The following TMC3 variants were observed in gnomAD, a reference collection of about 807,000 sequenced individuals.
The protein encoded by TMC3 is transmembrane channel-like protein 3.
A neutral mutation model predicts 110.6 loss-of-function variants in TMC3; 98 were observed. That is an observed-to-expected ratio of 0.89 (90% CI 0.75 to 1.05). The LOEUF is 1.05. Ranked by LOEUF, TMC3 falls within the 50% of genes least tolerant of loss-of-function variation. The pLI, the probability that TMC3 is intolerant of heterozygous loss-of-function variation, is 0.00. For synonymous variants in TMC3, 489 were observed against 513.1 expected (o/e 0.95, Z 0.63); for missense variants, 1,319 against 1,373.2 (o/e 0.96, Z 0.62).
intron 3 of TMC3, among the ~76,000 whole-genome samples, chr15:81,367,515 T>C (rs1290639905): frequency 6.6e-6 from 1 of 152,200 alleles, no homozygotes; most frequent in African/African-American, 2.4e-5. Flanking sequence ...ATACTTTTCA[T>C]TTAAGTAACT....
chr15:81,337,611 C>T (rs993676285), intron 19 of TMC3: 14 of 591,738 alleles, frequency 2.4e-5, no homozygotes, highest in African/African-American at 5.6e-5. Flanking sequence ...GCTGCAAGGC[C>T]TCTTGAGGAG....
At chr15:81,336,756 C>T (rs1893605698) in intron 19 of TMC3, 105 bp from the exon 20 acceptor site, 1 of 1,209,094 alleles carries the variant, frequency 8.3e-7, no homozygotes. Context: ...TAGTTCTTAC[C>T]TTGGACCATA....
At chr15:81,353,021 A>T (rs1037629017) in intron 9 of TMC3, among the ~76,000 whole-genome samples, 1 of 152,144 alleles carries the variant, frequency 6.6e-6, no homozygotes, top group Admixed American at 6.5e-5. Flanking sequence ...GGGTTTTCCC[A>T]TGTTGATCAG....
At chr15:81,335,135 G>T (rs149501115) in intron 20 of TMC3, among the ~76,000 whole-genome samples, 160 bp from the exon 21 acceptor site, 48 of 152,300 alleles carry the variant, frequency 3.2e-4, no homozygotes, top group African/African-American at 1.1e-3. Flanking sequence ...CAAACATTCT[G>T]TAATTCAAAT....
At chr15:81,354,183 C>T (rs1282233092) in intron 9 of TMC3, among the ~76,000 whole-genome samples, 2 of 152,232 alleles carry the variant, frequency 1.3e-5, no homozygotes, top group Non-Finnish European at 2.9e-5. Context: ...TGGAGCTTGT[C>T]TTAGCCTGGC....
chr15:81,349,708 A>C (rs1375531491), intron 10 of TMC3, 141 bp from the exon 11 acceptor site: 2 of 437,336 alleles, frequency 4.6e-6, no homozygotes, highest in African/African-American at 2.1e-5. Context: ...AATCCCCCCA[A>C]ATCTCTGCTA....
chr15:81,351,085 G>C (rs1038366381), intron 10 of TMC3, among the ~76,000 whole-genome samples: 2 of 152,224 alleles, frequency 1.3e-5, no homozygotes, highest in Non-Finnish European at 2.9e-5. Context: ...TGGATGTGAA[G>C]AAACAGATGT....
At chr15:81,362,080 C>G in intron 4 of TMC3, 140 bp downstream of exon 4, 2 of 654,668 alleles carry the variant, frequency 3.1e-6, no homozygotes, top group Non-Finnish European at 5.3e-6. Flanking sequence ...GTCTGTTGTT[C>G]CATATGGAGG....
intron 4 of TMC3, 96 bp from the exon 5 acceptor site, chr15:81,359,567 G>A (rs957473167): frequency 2.6e-5 from 20 of 763,914 alleles, no homozygotes; most frequent in East Asian, 2.2e-4. Flanking sequence ...TTACATCCAC[G>A]GGACATAGAG....
chr15:81,356,410 G>A, intron 8 of TMC3, 37 bp downstream of exon 8: 2 of 1,547,422 alleles, frequency 1.3e-6, no homozygotes, highest in Non-Finnish European at 1.7e-6. Context: ...ACCCTGAGCT[G>A]CCCACCCCCG....
intron 21 of TMC3, among the ~76,000 whole-genome samples, chr15:81,334,437 TAAAC>T (rs1391402368): frequency 6.6e-6 from 1 of 152,172 alleles, no homozygotes; most frequent in African/African-American, 2.4e-5. Flanking sequence ...AACTAAAAAA[TAAAC>T]AGTTATTTTC....
intron 19 of TMC3, among the ~76,000 whole-genome samples, chr15:81,337,401 G>A (rs116349220): frequency 0.014 from 2,108 of 152,252 alleles, 67 homozygotes; most frequent in African/African-American, 0.049. Context: ...TGGAGAGAAC[G>A]TAATGACAGC....
intron 6 of TMC3, 23 bp downstream of exon 6, chr15:81,358,379 G>GT (rs1567067648): frequency 6.2e-7 from 1 of 1,608,446 alleles, no homozygotes. Context: ...CAAGACAAGA[G>GT]TGTGGCCAAG....
intron 9 of TMC3, 93 bp from the exon 10 acceptor site, chr15:81,351,934 C>A: frequency 1.4e-6 from 2 of 1,428,536 alleles, no homozygotes; most frequent in Non-Finnish European, 1.9e-6. Context: ...TGGAACACAT[C>A]CATTGCCAAG....
chr15:81,336,653 T>G lies in TMC3; in HGVS notation c.2161-2A>C, dbSNP rs778039188. 3 of 1,613,926 alleles carry G rather than the reference T, an allele frequency of 1.9e-6. No individual in the cohort carries two copies. The South Asian group carries it at 3.3e-5, about 18-fold the overall frequency. On this transcript the variant is annotated splice_acceptor_variant, in intron 19 of 21. Coordinates refer to ENST00000359440, the MANE Select transcript of TMC3 (RefSeq NM_001080532.3). LOFTEE classifies it high-confidence loss of function. ...CTTTTTCTTATCCTCTGATCTTGCC[T>G]AAAATGCAAATGATATGCATGTTTG...
intron 12 of TMC3, among the ~76,000 whole-genome samples, chr15:81,345,786 G>C (rs1279770354): frequency 6.6e-6 from 1 of 152,058 alleles, no homozygotes; most frequent in Non-Finnish European, 1.5e-5. Context: ...TGAGATGGGA[G>C]TATCACTTGA....
At chr15:81,343,697 G>A (rs180959484) in intron 14 of TMC3, among the ~76,000 whole-genome samples, 217 of 151,926 alleles carry the variant, frequency 1.4e-3, no homozygotes, top group African/African-American at 5.0e-3. Flanking sequence ...GGCTGAGGCA[G>A]GAGGATCGCT....
chr15:81,349,512 A>T lies in TMC3; in HGVS notation c.1139T>A (p.Ile380Asn). 1 of 1,563,624 alleles carries T rather than the reference A, an allele frequency of 6.4e-7. No individual in the cohort carries two copies. Among genetic ancestry groups the T allele is most frequent in the Non-Finnish European group, 8.7e-7 (1 of 1,153,472 alleles). ...TMIAPSAFDL[I>N]AALEMYHPRT... ...GGGGTGGTACATCTCTAAGGCAGCA[A>T]TGAGGTCAAAGGCTGATGGTGCTAT... The change falls in exon 11 of 22, where the codon ATT becomes AAT. Residue 380 changes from isoleucine (I) to asparagine (N), a missense_variant. Transcript: ENST00000359440.
intron 10 of TMC3, among the ~76,000 whole-genome samples, chr15:81,350,088 A>T (rs1453629361): frequency 6.6e-6 from 1 of 151,942 alleles, no homozygotes; most frequent in Non-Finnish European, 1.5e-5. Flanking sequence ...CTCTACCAAA[A>T]AAAAAAAAAA....
Sources: gnomAD v4.1 joint callset for allele counts (sites outside exome capture counted in the v4.1 genomes callset) on GRCh38, gnomAD v4.1.1 for gene constraint, MANE v1.5 for transcripts, NCBI Gene and HGNC (gene_info 2026-07-23, HGNC 2026-07-21) for gene names.